Variants in EP300 observed in about 807,000 individuals in gnomAD.
EP300 encodes histone acetyltransferase p300.
A neutral mutation model predicts 264.0 loss-of-function variants in EP300; 31 were observed. The observed-to-expected ratio is 0.12, with a 90% CI of 0.09 to 0.16. The LOEUF (loss-of-function observed/expected upper bound fraction) is 0.16. EP300 is among the 10% of genes least tolerant of loss of function. The pLI is 1.00. For synonymous variants in EP300, 1,340 were observed against 1,045.4 expected, an observed-to-expected ratio of 1.28 and a Z score of -5.44; for missense variants, 2,766 against 3,052.9, an observed-to-expected ratio of 0.91 and a Z score of 2.21.
chr22:41,138,386 A>G (rs900751484), intron 8 of EP300, among the ~76,000 whole-genome samples: 2 of 152,070 alleles, frequency 1.3e-5, no homozygotes, highest in African/African-American at 4.8e-5. Flanking sequence ...CTGACTTCAA[A>G]TTCCTGACAT....
At chr22:41,106,861 A>G (rs982199389) in intron 1 of EP300, among the ~76,000 whole-genome samples, 1 of 152,124 alleles carries the variant, frequency 6.6e-6, no homozygotes, top group African/African-American at 2.4e-5. Flanking sequence ...CCAAAGTGCC[A>G]TGATTACAGT....
chr22:41,120,254 C>T (rs918506927), intron 2 of EP300, among the ~76,000 whole-genome samples: 5 of 152,156 alleles, frequency 3.3e-5, no homozygotes, highest in Non-Finnish European at 7.3e-5. Context: ...AGGCTGGATG[C>T]AGCGGTTCAC....
At chr22:41,143,417 A>G (rs1003169219) in intron 10 of EP300, among the ~76,000 whole-genome samples, 1 of 152,232 alleles carries the variant, frequency 6.6e-6, no homozygotes, top group Non-Finnish European at 1.5e-5. Flanking sequence ...GTGCCACTGC[A>G]CTTAAGCCTG....
At chr22:41,105,198 GAAA>G (rs764225630) in intron 1 of EP300, among the ~76,000 whole-genome samples, 15,291 of 59,348 alleles carry the variant, frequency 0.26, 994 homozygotes, top group East Asian at 0.51. Context: ...CTCCATCTCA[GAAA>G]AAAAAAAAAA....
intron 8 of EP300, among the ~76,000 whole-genome samples, chr22:41,138,315 C>T (rs919449162): frequency 6.6e-6 from 1 of 152,134 alleles, no homozygotes; most frequent in Non-Finnish European, 1.5e-5. Context: ...AGGCACGTGC[C>T]ACCTCACCTG....
intron 6 of EP300, 110 bp from the exon 7 acceptor site, chr22:41,135,703 A>G: frequency 1.2e-6 from 1 of 806,452 alleles, no homozygotes. Context: ...TTTATTGTAT[A>G]TGCTGCAAAT....
At chr22:41,164,931 A>G (rs2059126360) in intron 22 of EP300, among the ~76,000 whole-genome samples, 1 of 152,176 alleles carries the variant, frequency 6.6e-6, no homozygotes, top group South Asian at 2.1e-4. Context: ...AAGCGGGTAT[A>G]TGGGACATCC....
intron 1 of EP300, among the ~76,000 whole-genome samples, chr22:41,099,381 G>A (rs965998072): frequency 4.6e-5 from 7 of 152,140 alleles, no homozygotes; most frequent in Non-Finnish European, 8.8e-5. Flanking sequence ...ATCCTTGCGG[G>A]ATACATTCCA....
Position 41,151,856 on chromosome 22 carries a change from T to G in EP300, c.2841T>G (p.Ile947Met). 1.2e-6 allele frequency: 2 copies of G among 1,614,160 alleles called. No homozygotes were observed. The highest frequency in any genetic ancestry group is 1.7e-6 in the Non-Finnish European group (2 of 1,180,034). ...AGCTTTCCCAGCCAGCTGTAAGCAT[T>G]GAAGGACAGGTATCAAATCCTCCAT... ...ATPLSQPAVS[I>M]EGQVSNPPST... Residue 947 changes from isoleucine to methionine, a missense_variant, in exon 15 of 31, where the codon ATT becomes ATG. Physicochemically the swap from Ile to Met is conservative, Grantham distance 10. Coordinates refer to ENST00000263253, the MANE Select transcript of EP300 (RefSeq NM_001429.4).
intron 29 of EP300, among the ~76,000 whole-genome samples, chr22:41,175,374 T>C (rs941004573): frequency 6.6e-6 from 1 of 152,238 alleles, no homozygotes; most frequent in African/African-American, 2.4e-5. Context: ...GTTTTACATT[T>C]TATTACTTTA....
Position 41,093,206 on chromosome 22 carries a change from CTTAA to C in EP300, c.94+115_94+118del, listed in dbSNP as rs2058683732. Reference sequence around the variant, plus strand: ...TTCCTCTCTCTCTAGTTCCCTGCCCCTTAATTAATTTTAAAGGTATTTGAATGAG... The same window carrying C: ...TTCCTCTCTCTCTAGTTCCCTGCCCCTTAATTTTAAAGGTATTTGAATGAG... On this transcript the variant is annotated intron_variant, in intron 1 of 30. Coordinates refer to ENST00000263253, the MANE Select transcript of EP300 (RefSeq NM_001429.4). The C allele has an allele frequency of 1.7e-5, 19 of 1,118,914 alleles. No homozygotes were observed. The South Asian group carries it at 2.3e-4, about 14-fold the overall frequency. The allele number at this position is 1,118,914 out of a possible 1,614,324, so 69.3% of individuals were successfully genotyped here. A position where few individuals can be genotyped will look rare whatever the true frequency, so the allele number is the denominator to read the frequency against.
chr22:41,151,242 G>C (rs985432398), intron 14 of EP300, among the ~76,000 whole-genome samples: 1 of 152,164 alleles, frequency 6.6e-6, no homozygotes, highest in Admixed American at 6.5e-5. Context: ...AGGAAGGACA[G>C]AATGAGAGAG....
At position 41,179,533 on chromosome 22, in the gene EP300, T is replaced by TAAAAA; in HGVS notation, c.*588_*592dup. ...GATGTTCATTCTTTTAAAAAATGTT[T>TAAAAA]AAAAAAAAAAAAAAACTGCCTTTCT... is the stretch of plus-strand genomic sequence containing the variant. On this transcript the variant is annotated 3_prime_UTR_variant, in exon 31 of 31. Coordinates refer to ENST00000263253, the MANE Select transcript of EP300 (RefSeq NM_001429.4). 1.2e-5 allele frequency: 2 copies of TAAAAA among 164,976 alleles called. No homozygotes were observed. The highest frequency in any genetic ancestry group is 1.3e-5 in the Non-Finnish European group (1 of 79,526). 10.2% of individuals were successfully genotyped at this position (164,976 alleles called of 1,614,324 possible). A position where few individuals can be genotyped will look rare whatever the true frequency, so the allele number is the denominator to read the frequency against.
chr22:41,098,056 T>C (rs1296887559), intron 1 of EP300, among the ~76,000 whole-genome samples: 1 of 152,156 alleles, frequency 6.6e-6, no homozygotes, highest in Non-Finnish European at 1.5e-5. Flanking sequence ...CGTGCAGGTT[T>C]GTCACATATG....
rs1479222067 is a variant in EP300, at chr22:41,172,583, C to T, written c.4537C>T (p.Leu1513=). Residue 1513 remains leucine, a synonymous_variant, in exon 28 of 31, where the codon CTG becomes TTG. Transcript: ENST00000263253. The part of the protein sequence containing the change: ...YFEGDFWPNV[L]EESIKELEQE... ...CGAGGGTGATTTCTGGCCCAATGTT[C>T]TGGAAGAAAGCATTAAGGAACTGGA... is the stretch of plus-strand genomic sequence containing the variant. 2.5e-6 allele frequency: 4 copies of T among 1,613,970 alleles called. No individual in the cohort carries two copies. The highest frequency in any genetic ancestry group is 3.4e-6 in the Non-Finnish European group (4 of 1,179,968).
Position 41,152,224 on chromosome 22 carries a change from A to G in EP300, c.3016A>G (p.Lys1006Glu), listed in dbSNP as rs1419447951. ...DISESKVEDCKMESTETEERS... is the reference protein window; with the variant it reads ...DISESKVEDCEMESTETEERS... ...CTTTTAGTCTAAAGTGGAAGACTGT[A>G]AAATGGAATCTACCGAAACAGAAGA... Residue 1006 changes from lysine (K) to glutamate (E), a missense_variant, in exon 16 of 31, where the codon AAA (lysine) becomes GAA (glutamate). Coordinates refer to ENST00000263253, the MANE Select transcript of EP300 (RefSeq NM_001429.4). 9 of 1,614,148 alleles carry G rather than the reference A, an allele frequency of 5.6e-6. No individual in the cohort carries two copies. Among genetic ancestry groups the G allele is most frequent in the South Asian group, 1.1e-5 (1 of 91,086 alleles).
chr22:41,101,498 G>A (rs1164849723), intron 1 of EP300, among the ~76,000 whole-genome samples: 4 of 145,994 alleles, frequency 2.7e-5, no homozygotes, highest in Non-Finnish European at 6.0e-5. Context: ...TGCCAGCTCC[G>A]CCTCCTGGGT....
chr22:41,163,767 GC>G (rs1290996157), intron 21 of EP300, among the ~76,000 whole-genome samples: 1 of 151,864 alleles, frequency 6.6e-6, no homozygotes, highest in Non-Finnish European at 1.5e-5. Context: ...ACAAAAAACA[GC>G]CAGGCATGAT....
Position 41,177,865 on chromosome 22 carries a change from C to A in EP300, c.6154C>A (p.Gln2052Lys). 1 of 1,614,188 alleles carries A rather than the reference C, an allele frequency of 6.2e-7. No individual in the cohort carries two copies. The highest frequency in any genetic ancestry group is 8.5e-7 in the Non-Finnish European group (1 of 1,180,024). ...KPGTVSQQAL[Q>K]NLLRTLRSPS... ...AGGCACTGTGTCTCAACAAGCCTTA[C>A]AAAACCTTTTGCGGACTCTCAGGTC... Residue 2052 changes from glutamine to lysine, a missense_variant, in exon 31 of 31, where the codon CAA becomes AAA. Coordinates refer to ENST00000263253, the MANE Select transcript of EP300 (RefSeq NM_001429.4).
Sources: gnomAD v4.1 joint callset for allele counts (sites outside exome capture counted in the v4.1 genomes callset) on GRCh38, gnomAD v4.1.1 for gene constraint, MANE v1.5 for transcripts, NCBI Gene and HGNC (gene_info 2026-07-23, HGNC 2026-07-21) for gene names.